TMEM132D: variants seen among roughly 807,000 people sequenced by gnomAD.
TMEM132D encodes transmembrane protein 132D.
In TMEM132D, 21 loss-of-function variants were observed where a neutral mutation model predicts 62.3. The observed-to-expected ratio is 0.34, with a 90% CI of 0.24 to 0.49. The LOEUF (loss-of-function observed/expected upper bound fraction) is 0.49. Among genes scored for constraint, TMEM132D ranks in the 20% least tolerant of loss-of-function variants. The pLI is 0.99. For missense variants in TMEM132D, 1,346 were observed against 1,402.8 expected (o/e 0.96, Z 0.65); for synonymous variants, 621 against 575.6 (o/e 1.08, Z -1.13).
chr12:129,434,342 A>G (rs2135717871), intron 3 of TMEM132D, among the ~76,000 whole-genome samples: 1 of 152,348 alleles, frequency 6.6e-6, no homozygotes, highest in Middle Eastern at 3.4e-3. Context: ...CTTGAGCACA[A>G]ATTGTGACTG....
chr12:129,383,658 C>T (rs991129268), intron 3 of TMEM132D, among the ~76,000 whole-genome samples: 1 of 152,096 alleles, frequency 6.6e-6, no homozygotes, highest in Non-Finnish European at 1.5e-5. Context: ...AGGCTGGTCT[C>T]GAACTCCTGA....
intron 1 of TMEM132D, among the ~76,000 whole-genome samples, chr12:129,742,937 A>T (rs994536208): frequency 1.3e-5 from 2 of 152,214 alleles, no homozygotes; most frequent in African/African-American, 4.8e-5. Context: ...AAGTAATCTG[A>T]CCTGGTAAAA....
In TMEM132D at chr12:129,733,040, C is replaced by T. The variant is rs368968874; in HGVS notation, c.80-32342G>A. On this transcript the variant is annotated intron_variant, in intron 1 of 8. Transcript: ENST00000422113. ...TGTGTCACCCACCCCTCTGACCTCA[C>T]ACTCTTGGTTTGATGGGTCCTGATC... is the stretch of plus-strand genomic sequence containing the variant. Among the ~76,000 whole-genome samples the T allele has an allele frequency of 2.0e-5, 3 of 152,206 alleles. No individual in the cohort carries two copies. In the East Asian group the frequency reaches 5.8e-4, roughly 29 times the overall value.
In TMEM132D at chr12:129,099,812, T is replaced by TA. The variant is rs112018840; in HGVS notation, c.1444-15111_1444-15110insT. ...TGGGAGCGAAACCCACTTTATTTTT[T>TA]TTTATTTTTTTTATTTTTATTTTTA... On this transcript the variant is annotated intron_variant, in intron 5 of 8. Coordinates refer to ENST00000422113, the MANE Select transcript of TMEM132D (RefSeq NM_133448.3). Among the ~76,000 whole-genome samples, 766 of 126,332 alleles carry TA rather than the reference T, an allele frequency of 6.1e-3. 6 individuals carry two copies. Among genetic ancestry groups the TA allele is most frequent in the African/African-American group, 0.041 (718 of 17,512 alleles). The allele number at this position is 126,332 out of a possible 152,430, so 82.9% of individuals were successfully genotyped here. A position where few individuals can be genotyped will look rare whatever the true frequency, so the allele number is the denominator to read the frequency against.
intron 2 of TMEM132D, among the ~76,000 whole-genome samples, chr12:129,614,162 C>T (rs994421719): frequency 2.6e-5 from 4 of 152,234 alleles, no homozygotes; most frequent in African/African-American, 9.6e-5. Context: ...TGACTATCTC[C>T]AGAACCCAGG....
intron 2 of TMEM132D, among the ~76,000 whole-genome samples, chr12:129,612,361 G>A (rs920732186): frequency 6.6e-6 from 1 of 152,104 alleles, no homozygotes; most frequent in Non-Finnish European, 1.5e-5. Context: ...AACGCCTCCT[G>A]GCCAAGTTGC....
chr12:129,579,309 G>A (rs1365363379), intron 2 of TMEM132D, among the ~76,000 whole-genome samples: 1 of 152,076 alleles, frequency 6.6e-6, no homozygotes. Context: ...TTTTTAGTTA[G>A]TGTATTAGTC....
At chr12:129,125,740 C>G (rs973062526) in intron 5 of TMEM132D, among the ~76,000 whole-genome samples, 3 of 151,752 alleles carry the variant, frequency 2.0e-5, no homozygotes, top group Non-Finnish European at 4.4e-5. Context: ...TGGACTCAAG[C>G]GATCCGCTCG....
At chr12:129,360,981 T>A (rs546839658) in intron 3 of TMEM132D, among the ~76,000 whole-genome samples, 1 of 152,244 alleles carries the variant, frequency 6.6e-6, no homozygotes, top group East Asian at 1.9e-4. Context: ...CGCTCTTATC[T>A]AGAAACACAA....
intron 1 of TMEM132D, among the ~76,000 whole-genome samples, chr12:129,782,282 G>A (rs772348681): frequency 2.6e-5 from 4 of 152,136 alleles, no homozygotes; most frequent in Non-Finnish European, 4.4e-5. Context: ...GGAGCATGAC[G>A]GATTTCAGTT....
intron 3 of TMEM132D, among the ~76,000 whole-genome samples, chr12:129,499,622 G>T (rs144426487): frequency 2.0e-5 from 3 of 152,158 alleles, no homozygotes; most frequent in Non-Finnish European, 2.9e-5. Flanking sequence ...CCAGTAATGG[G>T]CATCTTCCAC....
intron 2 of TMEM132D, among the ~76,000 whole-genome samples, chr12:129,592,172 T>A (rs1015378133): frequency 6.6e-6 from 1 of 152,174 alleles, no homozygotes; most frequent in Non-Finnish European, 1.5e-5. Flanking sequence ...ACCAAAACTC[T>A]GCAGAATATA....
chr12:129,126,356 C>CTTT (rs747997037), intron 5 of TMEM132D, among the ~76,000 whole-genome samples: 2 of 137,834 alleles, frequency 1.5e-5, no homozygotes, highest in African/African-American at 2.6e-5. Flanking sequence ...CAGTTTCTCT[C>CTTT]TCTTTTTTTT....
intron 4 of TMEM132D, among the ~76,000 whole-genome samples, chr12:129,219,935 C>A (rs1412966205): frequency 6.6e-6 from 1 of 152,186 alleles, no homozygotes; most frequent in Non-Finnish European, 1.5e-5. Context: ...CCATTTCCAA[C>A]ATTCTTACTC....
chr12:129,678,571 T>G lies in TMEM132D; in HGVS notation c.968+21239A>C, dbSNP rs191349326. ...TACTGCATTCTAATTGTTGGTTTAT[T>G]TATTACAAATACCATCCCTAAACTT... On this transcript the variant is annotated intron_variant, in intron 2 of 8. Coordinates refer to ENST00000422113, the MANE Select transcript of TMEM132D (RefSeq NM_133448.3). Among the ~76,000 whole-genome samples the G allele has an allele frequency of 5.6e-3, 857 of 152,266 alleles. 6 individuals carry two copies. The highest frequency in any genetic ancestry group is 0.034 in the Admixed American group (513 of 15,292).
intron 4 of TMEM132D, among the ~76,000 whole-genome samples, chr12:129,268,921 A>G (rs966954563): frequency 1.5e-4 from 23 of 151,540 alleles, no homozygotes; most frequent in African/African-American, 5.3e-4. Context: ...TCGCAAGGAC[A>G]AAAAACCAAA....
chr12:129,316,016 T>C (rs1868478946), intron 4 of TMEM132D, among the ~76,000 whole-genome samples: 1 of 152,184 alleles, frequency 6.6e-6, no homozygotes, highest in Admixed American at 6.5e-5. Context: ...GTGAAGTTAT[T>C]TGGATTTTCT....
At chr12:129,418,781 C>A (rs1161413165) in intron 3 of TMEM132D, among the ~76,000 whole-genome samples, 1 of 151,964 alleles carries the variant, frequency 6.6e-6, no homozygotes, top group Non-Finnish European at 1.5e-5. Flanking sequence ...TTGTAATTAG[C>A]TAAGTTAAGA....
chr12:129,705,702 T>C (rs1881491148), intron 1 of TMEM132D, among the ~76,000 whole-genome samples: 1 of 152,194 alleles, frequency 6.6e-6, no homozygotes, highest in Admixed American at 6.5e-5. Context: ...AGGAAAATCA[T>C]GTTAAATGAG....
Sources: gnomAD v4.1 joint callset for allele counts (sites outside exome capture counted in the v4.1 genomes callset) on GRCh38, gnomAD v4.1.1 for gene constraint, MANE v1.5 for transcripts, NCBI Gene and HGNC (gene_info 2026-07-23, HGNC 2026-07-21) for gene names.